Variants in LARP4B observed in about 807,000 individuals in gnomAD.
The protein encoded by LARP4B is la-related protein 4B.
Under a neutral mutation model 89.8 loss-of-function variants are expected in LARP4B, and 12 were observed. The ratio of observed to expected loss-of-function variants is 0.13; its 90% confidence interval spans 0.09 to 0.22. LARP4B has a LOEUF of 0.22. LARP4B is among the 10% of genes least tolerant of loss of function. LARP4B has a pLI of 1.00. For synonymous variants in LARP4B, 367 were observed against 363.3 expected (o/e 1.01, Z -0.12); for missense variants, 757 against 947.7 (o/e 0.80, Z 2.64).
At chr10:869,173 AG>A (rs1272196423) in intron 3 of LARP4B, among the ~76,000 whole-genome samples, 2 of 152,246 alleles carry the variant, frequency 1.3e-5, no homozygotes, top group Non-Finnish European at 2.9e-5. Flanking sequence ...AAGATTTCAT[AG>A]GCAGTTAAAA....
At chr10:894,558 AAGAC>A (rs1836131929) in intron 1 of LARP4B, among the ~76,000 whole-genome samples, 1 of 152,170 alleles carries the variant, frequency 6.6e-6, no homozygotes, top group South Asian at 2.1e-4. Flanking sequence ...CTAGGTAATA[AAGAC>A]AGAGAAAACT....
chr10:825,445 G>T, intron 12 of LARP4B, 129 bp from the exon 13 acceptor site: 1 of 915,248 alleles, frequency 1.1e-6, no homozygotes. Context: ...ATAGGATTTG[G>T]AATGGTTAAC....
At chr10:884,150 AG>A (rs1936383073) in intron 3 of LARP4B, among the ~76,000 whole-genome samples, 1 of 152,264 alleles carries the variant, frequency 6.6e-6, no homozygotes, top group Non-Finnish European at 1.5e-5. Context: ...CGCATATAAC[AG>A]ATTATCAATG....
intron 3 of LARP4B, among the ~76,000 whole-genome samples, chr10:867,434 C>T (rs897898050): frequency 6.6e-6 from 1 of 152,326 alleles, no homozygotes; most frequent in Non-Finnish European, 1.5e-5. Context: ...CAAAATTCAA[C>T]ACTCATCAAG....
At chr10:929,357 G>A (rs920215411) in intron 1 of LARP4B, among the ~76,000 whole-genome samples, 42 of 152,214 alleles carry the variant, frequency 2.8e-4, no homozygotes, top group African/African-American at 9.6e-4. Context: ...CACTTTGAGA[G>A]GCCAAGGCAG....
chr10:850,719 C>T (rs1456911643), intron 5 of LARP4B, among the ~76,000 whole-genome samples: 1 of 151,976 alleles, frequency 6.6e-6, no homozygotes, highest in Non-Finnish European at 1.5e-5. Context: ...TATTTGAAGC[C>T]ATAAAATAAG....
chr10:855,746 G>C lies in LARP4B; in HGVS notation c.430+7997C>G, dbSNP rs181290324. On this transcript the variant is annotated intron_variant, in intron 5 of 17. Coordinates refer to ENST00000316157, the MANE Select transcript of LARP4B (RefSeq NM_015155.3). ...GAAAAATGGTGCCAATTACTTGCTT[G>C]ATGCAGGGTTGCCACAAAACTTCAA... 1.1e-4 allele frequency among the ~76,000 whole-genome samples: 16 copies of C among 152,324 alleles called. No individual in the cohort carries two copies. In the East Asian group the frequency reaches 2.9e-3, roughly 28 times the overall value.
intron 3 of LARP4B, among the ~76,000 whole-genome samples, chr10:868,754 A>C (rs1835042106): frequency 6.6e-6 from 1 of 152,260 alleles, no homozygotes; most frequent in African/African-American, 2.4e-5. Flanking sequence ...GAAATAAAAG[A>C]GGTTGATGGA....
chr10:974,361 G>A, the LARP4B span, among the ~76,000 whole-genome samples: 1 of 152,124 alleles, frequency 6.6e-6, no homozygotes, highest in African/African-American at 2.4e-5. Context: ...TATTTCTCCA[G>A]ACAATGCTGA....
At chr10:911,946 G>A (rs912474812) in intron 1 of LARP4B, among the ~76,000 whole-genome samples, 20 of 152,206 alleles carry the variant, frequency 1.3e-4, no homozygotes, top group African/African-American at 4.8e-4. Context: ...TACACATTTA[G>A]ACAGATGCAG....
the LARP4B span, among the ~76,000 whole-genome samples, chr10:944,482 G>A: frequency 4.6e-5 from 7 of 152,184 alleles, no homozygotes. Flanking sequence ...CCAAGTCTCT[G>A]CTTCCCCATC....
upstream of LARP4B, among the ~76,000 whole-genome samples, chr10:934,900 A>G (rs1830727590): frequency 1.3e-5 from 2 of 152,174 alleles, no homozygotes; most frequent in African/African-American, 4.8e-5. Context: ...TCTCTGCTAC[A>G]GTCCATTACT....
chr10:882,350 CTCAT>C (rs1428799024), intron 3 of LARP4B, among the ~76,000 whole-genome samples: 1 of 151,286 alleles, frequency 6.6e-6, no homozygotes, highest in African/African-American at 2.4e-5. Flanking sequence ...AATCATGTCA[CTCAT>C]TATAATATAT....
chr10:848,730 C>T (rs1833897912), intron 5 of LARP4B, among the ~76,000 whole-genome samples: 1 of 152,100 alleles, frequency 6.6e-6, no homozygotes, highest in Admixed American at 6.6e-5. Flanking sequence ...GAAGCACAAC[C>T]AGCTGAGAGG....
At chr10:879,210 TA>T (rs917889754) in intron 3 of LARP4B, among the ~76,000 whole-genome samples, 5 of 152,244 alleles carry the variant, frequency 3.3e-5, no homozygotes, top group Non-Finnish European at 7.3e-5. Flanking sequence ...GTTACAATAC[TA>T]TGTCATCAAA....
chr10:838,797 C>T (rs1189257843), intron 7 of LARP4B, among the ~76,000 whole-genome samples: 1 of 152,204 alleles, frequency 6.6e-6, no homozygotes, highest in Non-Finnish European at 1.5e-5. Context: ...TATGTCCACA[C>T]AAAATCTGCA....
In LARP4B at chr10:883,819, C is replaced by T. The variant is rs1302242098; in HGVS notation, c.141+628G>A. Among the ~76,000 whole-genome samples, 8 of 150,808 alleles carry T rather than the reference C, an allele frequency of 5.3e-5. No homozygotes were observed. The South Asian group carries it at 8.4e-4, about 16-fold the overall frequency. On this transcript the variant is annotated intron_variant, in intron 3 of 17. Transcript: ENST00000316157. The stretch of plus-strand genomic sequence containing the variant: ...TAACAATCCAACTCCTCAATTCCTA[C>T]GTGAACTGCTTATAATGGGGGGGGA...
At chr10:891,696 A>G (rs903904272) in intron 1 of LARP4B, among the ~76,000 whole-genome samples, 4 of 152,230 alleles carry the variant, frequency 2.6e-5, no homozygotes, top group African/African-American at 9.6e-5. Flanking sequence ...AGCACAACAC[A>G]GTGATCCCGA....
chr10:977,782 T>C, the LARP4B span, among the ~76,000 whole-genome samples: 7 of 152,200 alleles, frequency 4.6e-5, no homozygotes, highest in Admixed American at 4.6e-4. Context: ...TATGCCATTT[T>C]ATACCAGGGA....
Sources: gnomAD v4.1 joint callset for allele counts (sites outside exome capture counted in the v4.1 genomes callset) on GRCh38, gnomAD v4.1.1 for gene constraint, MANE v1.5 for transcripts, NCBI Gene and HGNC (gene_info 2026-07-23, HGNC 2026-07-21) for gene names.